The following USP14 variants were observed in gnomAD, a reference collection of about 807,000 sequenced individuals.
USP14 encodes the protein ubiquitin carboxyl-terminal hydrolase 14.
Under a neutral mutation model 76.5 loss-of-function variants are expected in USP14, and 38 were observed. The ratio of observed to expected loss-of-function variants is 0.50; its 90% CI spans 0.38 to 0.65. The LOEUF (loss-of-function observed/expected upper bound fraction) is 0.65. USP14 is among the 30% of genes least tolerant of loss of function. USP14 has a pLI of 0.00. For synonymous variants in USP14, 192 were observed against 191.7 expected (o/e 1.00, Z -0.01); for missense variants, 467 against 586.5 (o/e 0.80, Z 2.10).
intron 7 of USP14, 138 bp downstream of exon 7, chr18:196,905 C>T (rs1910252867): frequency 1.3e-5 from 14 of 1,103,966 alleles, no homozygotes; most frequent in Admixed American, 4.9e-5. Flanking sequence ...TTGCCTGGAG[C>T]CGCACAGTAG....
intron 5 of USP14, among the ~76,000 whole-genome samples, chr18:186,640 C>T (rs1909937831): frequency 6.6e-6 from 1 of 151,714 alleles, no homozygotes; most frequent in Non-Finnish European, 1.5e-5. Context: ...ATAATCCCAG[C>T]TACTCGGGAG....
chr18:195,133 C>CT, intron 6 of USP14, among the ~76,000 whole-genome samples: 1 of 150,590 alleles, frequency 6.6e-6, no homozygotes, highest in Non-Finnish European at 1.5e-5. Flanking sequence ...TCTTCTTGAC[C>CT]TTTTTCTTTC....
intron 9 of USP14, among the ~76,000 whole-genome samples, 192 bp from the exon 10 acceptor site, chr18:199,007 ATTG>A (rs1910316849): frequency 6.6e-6 from 1 of 152,118 alleles, no homozygotes; most frequent in African/African-American, 2.4e-5. Flanking sequence ...TTTATTACTC[ATTG>A]TTGTTTCTAG....
chr18:159,458 T>G (rs1002936154), intron 1 of USP14, among the ~76,000 whole-genome samples: 1 of 152,224 alleles, frequency 6.6e-6, no homozygotes, highest in African/African-American at 2.4e-5. Context: ...TGGACCTTGC[T>G]GCTCCCTAGC....
At chr18:170,164 C>T (rs893990352) in intron 3 of USP14, among the ~76,000 whole-genome samples, 1 of 151,970 alleles carries the variant, frequency 6.6e-6, no homozygotes, top group Non-Finnish European at 1.5e-5. Context: ...AATAGCCGGG[C>T]GTAGTGGCAC....
At chr18:192,182 G>A (rs1910109213) in intron 5 of USP14, among the ~76,000 whole-genome samples, 1 of 134,144 alleles carries the variant, frequency 7.5e-6, no homozygotes, top group Admixed American at 7.8e-5. Context: ...TTGATCTAAT[G>A]CTTATTTCTT....
intron 9 of USP14, among the ~76,000 whole-genome samples, chr18:198,967 AG>A (rs764943358): frequency 3.3e-5 from 5 of 152,162 alleles, no homozygotes; most frequent in Non-Finnish European, 7.3e-5. Context: ...TATAGTTTAG[AG>A]TTTATTGCAG....
chr18:200,182 A>G (rs1049769358), intron 10 of USP14, among the ~76,000 whole-genome samples: 1 of 152,134 alleles, frequency 6.6e-6, no homozygotes, highest in African/African-American at 2.4e-5. Context: ...TTCCTTAGAG[A>G]TAGTTGTTTT....
chr18:209,322 T>C lies in USP14; in HGVS notation c.1165-649T>C, dbSNP rs1179723136. Among the ~76,000 whole-genome samples the C allele has an allele frequency of 2.0e-5, 3 of 152,256 alleles. No homozygotes were observed. In the East Asian group the frequency reaches 5.8e-4, roughly 29 times the overall value. On this transcript the variant is annotated intron_variant, in intron 13 of 15. Coordinates refer to ENST00000261601, the MANE Select transcript of USP14 (RefSeq NM_005151.4). ...TTGACTTCTTGCCATCACAGCTACC[T>C]GTAAGCTGCTGGCATTGTCTTCATT...
At chr18:181,238 A>G (rs942044438) in intron 5 of USP14, among the ~76,000 whole-genome samples, 9 of 152,224 alleles carry the variant, frequency 5.9e-5, no homozygotes, top group Admixed American at 3.9e-4. Flanking sequence ...GAACGTTTTC[A>G]TATAGTAACT....
At chr18:209,388 T>C (rs971763486) in intron 13 of USP14, among the ~76,000 whole-genome samples, 2 of 152,334 alleles carry the variant, frequency 1.3e-5, no homozygotes, top group Middle Eastern at 3.4e-3. Flanking sequence ...TATTCCTAGA[T>C]AAGTTATTTT....
Position 173,107 on chromosome 18 carries a change from CT to C in USP14, c.196-5811del, listed in dbSNP as rs1371505197. 5.6e-3 allele frequency among the ~76,000 whole-genome samples: 790 copies of C among 141,142 alleles called. 6 individuals carry two copies. The highest frequency in any genetic ancestry group is 0.015 in the African/African-American group (575 of 38,754). 92.6% of individuals were successfully genotyped at this position (141,142 alleles called of 152,430 possible). On this transcript the variant is annotated intron_variant, in intron 3 of 15. Transcript: ENST00000261601. Reference sequence around the variant, plus strand: ...TGTTACATTTAGATATATTGTCTGTCTTTTTTTTTTTTTTTCTTTGAGACGG... The same window carrying C: ...TGTTACATTTAGATATATTGTCTGTCTTTTTTTTTTTTTTCTTTGAGACGG...
chr18:171,540 T>G (rs1467358117), intron 3 of USP14, among the ~76,000 whole-genome samples: 2 of 152,186 alleles, frequency 1.3e-5, no homozygotes, highest in African/African-American at 4.8e-5. Flanking sequence ...TCAGAAAGAT[T>G]CCTTTCAAAA....
Position 196,712 on chromosome 18 carries a change from A to G in USP14, c.539A>G (p.His180Arg). Reference protein sequence around the residue: ...IPPIILLQFLHMAFPQFAEKG... With the variant: ...IPPIILLQFLRMAFPQFAEKG... The stretch of plus-strand genomic sequence containing the variant: ...CCTATTATTCTACTGCAGTTTTTGC[A>G]CATGGCTTTCCCACAGTTTGCCGAG... The change falls in exon 7 of 16, where the codon CAC (histidine) becomes CGC (arginine). Residue 180 changes from histidine to arginine, a missense_variant. Physicochemically the swap from His to Arg is conservative, Grantham distance 29. Coordinates refer to ENST00000261601, the MANE Select transcript of USP14 (RefSeq NM_005151.4). 1 of 1,614,116 alleles carries G rather than the reference A, an allele frequency of 6.2e-7. No individual in the cohort carries two copies. Among genetic ancestry groups the G allele is most frequent in the Non-Finnish European group, 8.5e-7 (1 of 1,180,010 alleles).
rs913580711 is a variant in USP14, at chr18:166,731, A to T, written c.163-56A>T. Reference sequence around the variant, plus strand: ...TACATTAAAATAAATTGATTATTAGATTGTGTTCAGCTTGTACAGTGGTGG... The same window carrying T: ...TACATTAAAATAAATTGATTATTAGTTTGTGTTCAGCTTGTACAGTGGTGG... On this transcript the variant is annotated intron_variant, in intron 2 of 15. Transcript: ENST00000261601. The T allele has an allele frequency of 3.3e-6, 5 of 1,507,038 alleles. No individual in the cohort carries two copies. The African/African-American group carries it at 6.9e-5, about 21-fold the overall frequency. The allele number at this position is 1,507,038 out of a possible 1,614,324, so 93.4% of individuals were successfully genotyped here. A position where few individuals can be genotyped will look rare whatever the true frequency, so the allele number is the denominator to read the frequency against.
In USP14 at chr18:176,159, CA is replaced by C. The variant is rs375338291; in HGVS notation, c.196-2764del. 8.1e-3 allele frequency among the ~76,000 whole-genome samples: 1,173 copies of C among 145,578 alleles called. 4 individuals carry two copies. Among genetic ancestry groups the C allele is most frequent in the Non-Finnish European group, 0.013 (849 of 65,922 alleles). ...GTCAGTTTCATTGATTGTGTCCCCC[CA>C]AAAAAAAAACATTTGGCCTGTTCAT... is the stretch of plus-strand genomic sequence containing the variant. On this transcript the variant is annotated intron_variant, in intron 3 of 15. Coordinates refer to ENST00000261601, the MANE Select transcript of USP14 (RefSeq NM_005151.4).
At chr18:159,722 T>C (rs570500217) in intron 1 of USP14, among the ~76,000 whole-genome samples, 1 of 152,234 alleles carries the variant, frequency 6.6e-6, no homozygotes, top group Non-Finnish European at 1.5e-5. Context: ...TCTTGAAATA[T>C]TCTAATACTT....
At chr18:204,290 A>G (rs190699314) in intron 12 of USP14, among the ~76,000 whole-genome samples, 1 of 151,904 alleles carries the variant, frequency 6.6e-6, no homozygotes, top group Non-Finnish European at 1.5e-5. Context: ...TTCTCAGGTA[A>G]ATTTTGGTAC....
chr18:202,763 A>G, intron 10 of USP14, 117 bp from the exon 11 acceptor site: 8 of 867,118 alleles, frequency 9.2e-6, no homozygotes, highest in Non-Finnish European at 1.5e-5. Flanking sequence ...CCATTGATGT[A>G]CTGTATATTG....
Sources: allele counts gnomAD v4.1 joint callset (sites outside exome capture counted in the v4.1 genomes callset), GRCh38; gene constraint gnomAD v4.1.1; transcripts MANE v1.5; gene names NCBI Gene and HGNC (gene_info 2026-07-23, HGNC 2026-07-21).